KATNIP: variants seen among roughly 807,000 people sequenced by gnomAD.
KATNIP encodes katanin interacting protein.
A neutral mutation model predicts 174.0 loss-of-function variants in KATNIP; 126 were observed. That is an observed-to-expected ratio of 0.72 (90% CI 0.63 to 0.84). The LOEUF is 0.84. Ranked by LOEUF, KATNIP falls within the 40% of genes least tolerant of loss-of-function variation. The pLI is 0.00. For synonymous variants in KATNIP, 810 were observed against 835.7 expected (o/e 0.97, Z 0.53); for missense variants, 1,958 against 2,109.7 (o/e 0.93, Z 1.41).
At chr16:27,715,229 G>A (rs924687098) in intron 13 of KATNIP, among the ~76,000 whole-genome samples, 2 of 152,170 alleles carry the variant, frequency 1.3e-5, no homozygotes, top group Admixed American at 6.6e-5. Context: ...GGACAAATGC[G>A]TTTCCACATG....
intron 1 of KATNIP, among the ~76,000 whole-genome samples, chr16:27,565,734 T>C (rs1045388366): frequency 6.6e-6 from 1 of 150,458 alleles, no homozygotes; most frequent in African/African-American, 2.4e-5. Flanking sequence ...CAGTGAGCTA[T>C]GATCACACCA....
At chr16:27,728,190 G>A (rs1409781570) in intron 14 of KATNIP, among the ~76,000 whole-genome samples, 2 of 152,248 alleles carry the variant, frequency 1.3e-5, no homozygotes, top group African/African-American at 2.4e-5. Context: ...CTGGTGGAAA[G>A]GGGACTGACC....
At chr16:27,759,166 C>G (rs536448838) in intron 18 of KATNIP, among the ~76,000 whole-genome samples, 20 of 152,324 alleles carry the variant, frequency 1.3e-4, no homozygotes, top group African/African-American at 4.8e-4. Context: ...GGGGATACAG[C>G]AGTGAACAAA....
chr16:27,564,888 A>C (rs551828784), intron 1 of KATNIP, among the ~76,000 whole-genome samples: 2 of 151,908 alleles, frequency 1.3e-5, no homozygotes, highest in African/African-American at 4.8e-5. Context: ...CTCAGCCTCC[A>C]TAGTAGCTGG....
chr16:27,770,352 T>A (rs1022633380), intron 21 of KATNIP, among the ~76,000 whole-genome samples: 1 of 152,244 alleles, frequency 6.6e-6, no homozygotes, highest in African/African-American at 2.4e-5. Context: ...TTCTCCCGTT[T>A]CTGTGTTCCT....
At chr16:27,764,086 A>G (rs2082047700) in intron 19 of KATNIP, among the ~76,000 whole-genome samples, 1 of 152,216 alleles carries the variant, frequency 6.6e-6, no homozygotes, top group African/African-American at 2.4e-5. Context: ...TTAGGGGTTG[A>G]AAAATGGTGG....
At chr16:27,627,622 C>T (rs370239812) in intron 3 of KATNIP, among the ~76,000 whole-genome samples, 6 of 152,218 alleles carry the variant, frequency 3.9e-5, no homozygotes, top group Non-Finnish European at 5.9e-5. Flanking sequence ...CTAGACCGCT[C>T]GTACTGCGAA....
At chr16:27,759,144 G>A (rs774820672) in intron 18 of KATNIP, among the ~76,000 whole-genome samples, 2 of 152,222 alleles carry the variant, frequency 1.3e-5, no homozygotes, top group Non-Finnish European at 2.9e-5. Flanking sequence ...ACTAAGCACT[G>A]TTCTGGGCTC....
At position 27,686,040 on chromosome 16, in the gene KATNIP, A is replaced by G. The variant is rs117738244; in HGVS notation, c.940+4510A>G. 2.6e-4 allele frequency among the ~76,000 whole-genome samples: 40 copies of G among 152,340 alleles called. No homozygotes were observed. In the East Asian group the frequency reaches 7.3e-3, roughly 28 times the overall value. The stretch of plus-strand genomic sequence containing the variant: ...AATCACAGCTTCTTGGCTGAGCCCC[A>G]GAAGAAGCAGCTGGCCTTGTTTAGG... On this transcript the variant is annotated intron_variant, in intron 8 of 27. Transcript: ENST00000261588.
intron 13 of KATNIP, among the ~76,000 whole-genome samples, chr16:27,713,802 GTATATACATATATATATATA>G (rs1170673431): frequency 1.1e-4 from 5 of 46,322 alleles, no homozygotes; most frequent in Admixed American, 8.5e-4. Context: ...GTGTGTGTGT[GTATATACATATATATATATA>G]TATATATATA....
intron 18 of KATNIP, among the ~76,000 whole-genome samples, chr16:27,759,357 A>T (rs887606898): frequency 6.6e-6 from 1 of 152,214 alleles, no homozygotes; most frequent in Non-Finnish European, 1.5e-5. Context: ...TCTGGTTATT[A>T]GGGAAGGCCT....
chr16:27,584,144 T>C (rs1165595555), intron 2 of KATNIP, among the ~76,000 whole-genome samples: 2 of 152,096 alleles, frequency 1.3e-5, no homozygotes, highest in African/African-American at 4.8e-5. Context: ...AATCCCTGAA[T>C]AGTGATTGGT....
chr16:27,618,118 C>T (rs1226804395), intron 2 of KATNIP, among the ~76,000 whole-genome samples: 4 of 152,112 alleles, frequency 2.6e-5, no homozygotes, highest in Non-Finnish European at 5.9e-5. Context: ...GTTGAGAAAA[C>T]AGTAGAGCCC....
At position 27,757,751 on chromosome 16, in the gene KATNIP, A is replaced by T. The variant is rs73517340; in HGVS notation, c.3631+3500A>T. Among the ~76,000 whole-genome samples the T allele has an allele frequency of 3.5e-3, 539 of 152,304 alleles. 5 individuals are homozygous for T. The highest frequency in any genetic ancestry group is 0.013 in the African/African-American group (520 of 41,556). On this transcript the variant is annotated intron_variant, in intron 18 of 27. Coordinates refer to ENST00000261588, the MANE Select transcript of KATNIP (RefSeq NM_015202.5). ...TGGCTTTTTCCTCACCGTATTCAAA[A>T]TCCTCAACCTGCTTCACCACTCCGT...
At chr16:27,577,677 G>C (rs970187011) in intron 2 of KATNIP, among the ~76,000 whole-genome samples, 1 of 152,146 alleles carries the variant, frequency 6.6e-6, no homozygotes, top group African/African-American at 2.4e-5. Context: ...GGGTGACAGA[G>C]TGAGACTTGT....
chr16:27,588,212 A>G (rs1321777459), intron 2 of KATNIP, among the ~76,000 whole-genome samples: 1 of 151,784 alleles, frequency 6.6e-6, no homozygotes, highest in Non-Finnish European at 1.5e-5. Flanking sequence ...CTATGCAACT[A>G]CATATATTTC....
At chr16:27,554,622 T>C (rs1469960270) in intron 1 of KATNIP, among the ~76,000 whole-genome samples, 1 of 152,178 alleles carries the variant, frequency 6.6e-6, no homozygotes, top group Non-Finnish European at 1.5e-5. Flanking sequence ...TGAGCATCTC[T>C]GTACTTGCAG....
intron 5 of KATNIP, among the ~76,000 whole-genome samples, chr16:27,631,610 T>C (rs1232735880): frequency 1.3e-5 from 2 of 151,896 alleles, no homozygotes; most frequent in African/African-American, 4.8e-5. Context: ...GTGTGCCCTT[T>C]CTGCATGTGG....
chr16:27,691,507 C>T (rs1256019187), intron 8 of KATNIP, among the ~76,000 whole-genome samples: 2 of 152,178 alleles, frequency 1.3e-5, no homozygotes, highest in Non-Finnish European at 1.5e-5. Context: ...GGCTAGCATT[C>T]GCCCAAGTGA....
Sources: allele counts gnomAD v4.1 joint callset (sites outside exome capture counted in the v4.1 genomes callset), GRCh38; gene constraint gnomAD v4.1.1; transcripts MANE v1.5; gene names NCBI Gene and HGNC (gene_info 2026-07-23, HGNC 2026-07-21).